CASR: variants seen among roughly 807,000 people sequenced by gnomAD.
CASR encodes extracellular calcium-sensing receptor.
Under a neutral mutation model 69.1 loss-of-function variants are expected in CASR, and 23 were observed. That is an observed-to-expected ratio of 0.33 (90% CI 0.24 to 0.47). The LOEUF (loss-of-function observed/expected upper bound fraction) is 0.47, where lower values mean the gene tolerates loss of function less well. CASR is among the 20% of genes least tolerant of loss of function. CASR has a pLI of 1.00. For missense variants in CASR, 924 were observed against 1,356.1 expected (o/e 0.68, Z 5.00); for synonymous variants, 541 against 544.7 (o/e 0.99, Z 0.10).
At chr3:122,228,454 G>A (rs9875636) in intron 1 of CASR, among the ~76,000 whole-genome samples, 109,128 of 152,092 alleles carry the variant, frequency 0.72, 39,435 homozygotes, top group Admixed American at 0.82. Context: ...CTTGTGGAAC[G>A]TGGAAATGCC....
rs774666667 is a variant in CASR at position 122,276,030 on chromosome 3, G to T, written c.1596G>T (p.Gly532=). The T allele has an allele frequency of 1.2e-5, 19 of 1,605,860 alleles. No individual in the cohort carries two copies. The Admixed American group carries it at 3.0e-4, about 25-fold the overall frequency. The change falls in exon 5 of 7, where the codon GGG becomes GGT. Residue 532 remains glycine, a synonymous_variant. Transcript: ENST00000639785. ...ACGAGGAGAAAATCCTGTGGAGTGG[G>T]TTCTCCAGGGAGGTAGGTGCTGTCC... ...FINEEKILWS[G]FSREVPFSNC...
chr3:122,241,811 C>T (rs956768190), intron 1 of CASR, among the ~76,000 whole-genome samples: 1 of 152,058 alleles, frequency 6.6e-6, no homozygotes, highest in Non-Finnish European at 1.5e-5. Context: ...TTCAACAATA[C>T]ATTAAAAATA....
At chr3:122,279,577 T>C (rs756318480) in intron 5 of CASR, among the ~76,000 whole-genome samples, 9 of 152,228 alleles carry the variant, frequency 5.9e-5, no homozygotes, top group Non-Finnish European at 1.3e-4. Context: ...TTCATAAATG[T>C]AGCTTATTAC....
At chr3:122,250,963 C>A (rs571934550) in intron 1 of CASR, among the ~76,000 whole-genome samples, 6 of 152,252 alleles carry the variant, frequency 3.9e-5, no homozygotes, top group Admixed American at 6.5e-5. Flanking sequence ...ATTCCCAGCA[C>A]ATGTACTTAT....
At position 122,275,820 on chromosome 3, in the gene CASR, G is replaced by A; in HGVS notation, c.1386G>A (p.Lys462=). The change falls in exon 5 of 7, where the codon AAG becomes AAA. Residue 462 remains lysine, a synonymous_variant. Transcript: ENST00000639785. ...TCTTTGCTCCTCTTTAGGTCCTGAA[G>A]CACCTACGGCATCTAAACTTTACAA... ...IKKVEAWQVL[K]HLRHLNFTNN... The A allele has an allele frequency of 6.2e-7, 1 of 1,612,550 alleles. No individual in the cohort carries two copies. The highest frequency in any genetic ancestry group is 8.5e-7 in the Non-Finnish European group (1 of 1,178,658).
chr3:122,281,544 C>A (rs1317789011), intron 5 of CASR, among the ~76,000 whole-genome samples: 1 of 152,122 alleles, frequency 6.6e-6, no homozygotes, highest in African/African-American at 2.4e-5. Context: ...AAAGATATTT[C>A]TTCCCACTCC....
At position 122,228,303 on chromosome 3, in the gene CASR, A is replaced by G. The variant is rs2074245687; in HGVS notation, c.-242-25645A>G. 2.6e-5 allele frequency among the ~76,000 whole-genome samples: 4 copies of G among 152,230 alleles called. No homozygotes were observed. In the South Asian group the frequency reaches 8.3e-4, roughly 32 times the overall value. The stretch of plus-strand genomic sequence containing the variant: ...TTAGTTTCACTGTACATGCTATTTC[A>G]TAAATTTGTTTTTTAATTTATTTAA... On this transcript the variant is annotated intron_variant, in intron 1 of 6. Transcript: ENST00000639785.
At chr3:122,225,105 A>G (rs1202679059) in intron 1 of CASR, among the ~76,000 whole-genome samples, 13 of 152,228 alleles carry the variant, frequency 8.5e-5, no homozygotes, top group Admixed American at 8.5e-4. Flanking sequence ...ACCTAAAACT[A>G]TAAAAATGTT....
chr3:122,216,098 A>G (rs2074115162), intron 1 of CASR, among the ~76,000 whole-genome samples: 1 of 152,232 alleles, frequency 6.6e-6, no homozygotes. Flanking sequence ...ATTAAGCCCT[A>G]TACAAATGTT....
chr3:122,287,244 C>T lies in CASR; in HGVS notation c.*2053C>T, dbSNP rs537351477. ...GGTTTGACTTCAATGTCCATGTCAC[C>T]CAAGGGGCTTTAGGAGGAAAACATA... On this transcript the variant is annotated 3_prime_UTR_variant, in exon 7 of 7. Coordinates refer to ENST00000639785, the MANE Select transcript of CASR (RefSeq NM_000388.4). 14 of 152,266 alleles carry T rather than the reference C, an allele frequency of 9.2e-5. No homozygotes were observed. The East Asian group carries it at 2.5e-3, about 27-fold the overall frequency. The allele number at this position is 152,266 out of a possible 1,614,324, so 9.4% of individuals were successfully genotyped here.
chr3:122,218,143 G>T (rs2074135116), intron 1 of CASR, among the ~76,000 whole-genome samples: 1 of 152,080 alleles, frequency 6.6e-6, no homozygotes, highest in Non-Finnish European at 1.5e-5. Flanking sequence ...GGCCCAAGTG[G>T]ATGCAGGTAG....
At chr3:122,200,238 A>G (rs1266377812) in intron 1 of CASR, among the ~76,000 whole-genome samples, 1 of 152,222 alleles carries the variant, frequency 6.6e-6, no homozygotes, top group African/African-American at 2.4e-5. Flanking sequence ...CCCAACACAA[A>G]GAAATGATAA....
chr3:122,191,281 C>T (rs2073836892), intron 1 of CASR, among the ~76,000 whole-genome samples: 2 of 152,138 alleles, frequency 1.3e-5, no homozygotes, highest in African/African-American at 4.8e-5. Context: ...ATTACATAAA[C>T]ATTTAAAATA....
rs1467832380 is a variant in CASR at position 122,284,022 on chromosome 3, C to T, written c.2068C>T (p.Leu690Phe). Residue 690 changes from leucine to phenylalanine, a missense_variant, in exon 7 of 7, where the codon CTC (leucine) becomes TTC (phenylalanine). Leu to Phe is a conservative substitution (Grantham distance 22). Coordinates refer to ENST00000639785, the MANE Select transcript of CASR (RefSeq NM_000388.4). ...RQPAFGISFV[L>F]CISCILVKTN... ...GCCGGCCTTTGGCATCAGCTTCGTG[C>T]TCTGCATCTCATGCATCCTGGTGAA... 4 of 1,614,148 alleles carry T rather than the reference C, an allele frequency of 2.5e-6. No homozygotes were observed. Among genetic ancestry groups the T allele is most frequent in the Non-Finnish European group, 3.4e-6 (4 of 1,180,002 alleles).
chr3:122,242,114 T>A (rs2074384281), intron 1 of CASR, among the ~76,000 whole-genome samples: 1 of 151,988 alleles, frequency 6.6e-6, no homozygotes, highest in Non-Finnish European at 1.5e-5. Flanking sequence ...TCCTCTAAGA[T>A]CTGGAAGAGG....
At chr3:122,192,776 TG>T (rs1332748930) in intron 1 of CASR, among the ~76,000 whole-genome samples, 3 of 151,894 alleles carry the variant, frequency 2.0e-5, no homozygotes, top group African/African-American at 7.3e-5. Context: ...GGGTCTGGAG[TG>T]GGGGCCAAAT....
At chr3:122,184,436 A>G (rs2073755755) in intron 1 of CASR, 2 of 152,382 alleles carry the variant, frequency 1.3e-5, no homozygotes, top group Non-Finnish European at 2.9e-5. Flanking sequence ...GGCTGCGCGC[A>G]GTCCTGAGAT....
At chr3:122,254,400 A>G (rs1037138469) in intron 2 of CASR, 26 bp downstream of exon 2, 5 of 1,605,768 alleles carry the variant, frequency 3.1e-6, no homozygotes, top group African/African-American at 2.7e-5. Context: ...TAATCTGCCA[A>G]TCTCTTCTCT....
intron 1 of CASR, among the ~76,000 whole-genome samples, chr3:122,200,297 A>G (rs1360419125): frequency 6.6e-6 from 1 of 152,240 alleles, no homozygotes; most frequent in East Asian, 1.9e-4. Context: ...ATCATTACAC[A>G]TTGTATACAT....
Sources: allele counts gnomAD v4.1 joint callset (sites outside exome capture counted in the v4.1 genomes callset), GRCh38; gene constraint gnomAD v4.1.1; transcripts MANE v1.5; gene names NCBI Gene and HGNC (gene_info 2026-07-23, HGNC 2026-07-21).